The following CORO2B variants were observed in gnomAD, a reference collection of about 807,000 sequenced individuals.
The protein encoded by CORO2B is coronin-2B.
CORO2B carries 26 observed loss-of-function variants against 58.8 expected under a neutral mutation model. The observed-to-expected ratio is 0.44, with a 90% CI of 0.32 to 0.61. The LOEUF is 0.61. Ranked by LOEUF, CORO2B falls within the 20% of genes least tolerant of loss-of-function variation. The pLI is 0.04. For missense variants in CORO2B, 460 were observed against 645.1 expected (o/e 0.71, Z 3.11); for synonymous variants, 242 against 253.8 (o/e 0.95, Z 0.44).
chr15:68,725,930 C>T lies in CORO2B; in HGVS notation c.1399C>T (p.Gln467Ter), dbSNP rs1308115211. The T allele has an allele frequency of 6.2e-7, 1 of 1,614,082 alleles. No individual in the cohort carries two copies. The highest frequency in any genetic ancestry group is 8.5e-7 in the Non-Finnish European group (1 of 1,180,034). Residue 467 changes from glutamine (Q) to a stop codon, truncating the protein, a stop_gained, in exon 12 of 12, where the codon CAG (glutamine) becomes TAG (stop). Coordinates refer to ENST00000261861, the MANE Select transcript of CORO2B (RefSeq NM_006091.5). LOFTEE classifies it high-confidence loss of function. The stretch of plus-strand genomic sequence containing the variant: ...GAAGGACATCCGCATTCGGCAGCTC[C>T]AGCTGGAACTGAAAAACTTGCGCAA... Reference protein sequence around the residue: ...AQKDIRIRQLQLELKNLRNSP... With the variant: ...AQKDIRIRQL
intron 5 of CORO2B, 31 bp from the exon 6 acceptor site, chr15:68,713,894 C>T: frequency 6.5e-7 from 1 of 1,540,676 alleles, no homozygotes; most frequent in South Asian, 1.1e-5. Context: ...GTTGGGGACC[C>T]TGGCTCACCA....
intron 3 of CORO2B, among the ~76,000 whole-genome samples, chr15:68,701,910 G>C (rs1437781315): frequency 6.6e-6 from 1 of 151,920 alleles, no homozygotes; most frequent in Non-Finnish European, 1.5e-5. Flanking sequence ...GACATTAACT[G>C]TTACTTTCTT....
intron 2 of CORO2B, among the ~76,000 whole-genome samples, chr15:68,685,232 A>G (rs1293602770): frequency 2.0e-5 from 3 of 152,170 alleles, no homozygotes; most frequent in Non-Finnish European, 4.4e-5. Context: ...TTGTTTCGGG[A>G]GACAGTCTTA....
the CORO2B span, among the ~76,000 whole-genome samples, chr15:68,567,911 T>C: frequency 6.6e-6 from 1 of 152,114 alleles, no homozygotes; most frequent in Non-Finnish European, 1.5e-5. Flanking sequence ...TCCCAGCTAC[T>C]TGGGAGCCTG....
intron 2 of CORO2B, among the ~76,000 whole-genome samples, chr15:68,672,615 A>C (rs898063514): frequency 4.6e-5 from 7 of 152,230 alleles, no homozygotes; most frequent in Admixed American, 2.6e-4. Flanking sequence ...GTCTGAGGAC[A>C]GTGAATTCAT....
At chr15:68,578,001 C>T (rs766445149), upstream of CORO2B, among the ~76,000 whole-genome samples, 4 of 152,168 alleles carry the variant, frequency 2.6e-5, no homozygotes, top group Non-Finnish European at 5.9e-5. This position sits in a 1 kb window ranked among gnomAD's most constrained non-coding sequence, Gnocchi z 4.2. Context: ...TCTGCTTCCA[C>T]CTCTGCTAAC....
chr15:68,670,646 G>A (rs1422417795), intron 2 of CORO2B, among the ~76,000 whole-genome samples: 17 of 152,166 alleles, frequency 1.1e-4, no homozygotes, highest in African/African-American at 2.2e-4. Flanking sequence ...GGAAATAATT[G>A]AGGACCTCAT....
At chr15:68,597,553 T>C (rs1899867162) in intron 1 of CORO2B, among the ~76,000 whole-genome samples, 1 of 151,944 alleles carries the variant, frequency 6.6e-6, no homozygotes, top group Non-Finnish European at 1.5e-5. Flanking sequence ...TGCTGTTAAC[T>C]GCCTGGCTGT....
At chr15:68,556,160 C>G in the CORO2B span, among the ~76,000 whole-genome samples, 5 of 152,222 alleles carry the variant, frequency 3.3e-5, no homozygotes, top group Non-Finnish European at 7.3e-5. Flanking sequence ...AGCCACTCAT[C>G]TCACCACCTT....
the CORO2B span, among the ~76,000 whole-genome samples, chr15:68,551,096 C>T: frequency 1.3e-5 from 2 of 152,142 alleles, no homozygotes; most frequent in South Asian, 2.1e-4. Context: ...CCAGGCTGAC[C>T]GCCCCTGGGT....
chr15:68,695,109 CCTT>C (rs755044512), intron 2 of CORO2B, 28 bp from the exon 3 acceptor site: 12 of 1,557,212 alleles, frequency 7.7e-6, no homozygotes, highest in East Asian at 2.2e-5. Flanking sequence ...AAACTAATCT[CCTT>C]CTCTCTCTCT....
At chr15:68,579,418 G>A (rs1378295351) in intron 1 of CORO2B, 141 bp downstream of exon 1, 3 of 873,104 alleles carry the variant, frequency 3.4e-6, no homozygotes, top group Non-Finnish European at 4.3e-6. Context: ...CTTGCTGCCG[G>A]ATCCGCTCGA....
At chr15:68,638,334 A>T (rs1304122364) in intron 1 of CORO2B, among the ~76,000 whole-genome samples, 1 of 152,088 alleles carries the variant, frequency 6.6e-6, no homozygotes, top group Non-Finnish European at 1.5e-5. Flanking sequence ...TTGAGCAAGC[A>T]CCCATCCTGG....
chr15:68,579,207 C>CCGCCGCCGCCCCCGCA lies in CORO2B; in HGVS notation c.-49_-34dup. On this transcript the variant is annotated 5_prime_UTR_variant, in exon 1 of 12. Coordinates refer to ENST00000261861, the MANE Select transcript of CORO2B (RefSeq NM_006091.5). ...CCCCTTCCGCCGCCGCCCCGGGCCG[C>CCGCCGCCGCCCCCGCA]CGCCGCCGCCCCCGCACGCCGCGCC... 1 of 1,015,684 alleles carries CCGCCGCCGCCCCCGCA rather than the reference C, an allele frequency of 9.8e-7. No homozygotes were observed. The highest frequency in any genetic ancestry group is 1.2e-6 in the Non-Finnish European group (1 of 853,520). The allele number at this position is 1,015,684 out of a possible 1,614,324, so 62.9% of individuals were successfully genotyped here. A position where few individuals can be genotyped will look rare whatever the true frequency, so the allele number is the denominator to read the frequency against.
In CORO2B at chr15:68,579,205, C is replaced by A; in HGVS notation, c.-58C>A. On this transcript the variant is annotated 5_prime_UTR_variant, in exon 1 of 12. Transcript: ENST00000261861. Reference sequence around the variant, plus strand: ...ACCCCCTTCCGCCGCCGCCCCGGGCCGCCGCCGCCGCCCCCGCACGCCGCG... The same window carrying A: ...ACCCCCTTCCGCCGCCGCCCCGGGCAGCCGCCGCCGCCCCCGCACGCCGCG... 1 of 991,714 alleles carries A rather than the reference C, an allele frequency of 1.0e-6. No homozygotes were observed. Among genetic ancestry groups the A allele is most frequent in the Non-Finnish European group, 1.2e-6 (1 of 833,360 alleles). 61.4% of individuals were successfully genotyped at this position (991,714 alleles called of 1,614,324 possible).
chr15:68,604,259 C>A (rs1420276836), intron 1 of CORO2B, among the ~76,000 whole-genome samples: 1 of 152,116 alleles, frequency 6.6e-6, no homozygotes, highest in Non-Finnish European at 1.5e-5. Context: ...TGGGACCTTC[C>A]TGAGAGCAGC....
At chr15:68,655,387 G>A (rs934062001) in intron 2 of CORO2B, among the ~76,000 whole-genome samples, 2 of 152,182 alleles carry the variant, frequency 1.3e-5, no homozygotes, top group Admixed American at 6.5e-5. Flanking sequence ...CATGCCTCTC[G>A]CCGGCCCTCC....
intron 1 of CORO2B, among the ~76,000 whole-genome samples, chr15:68,582,125 A>C (rs1343230186): frequency 6.6e-6 from 1 of 152,120 alleles, no homozygotes; most frequent in Non-Finnish European, 1.5e-5. Context: ...TTGCCCCCTT[A>C]ACCATGAGGC....
In CORO2B at chr15:68,719,414, T is replaced by G; in HGVS notation, c.1173T>G (p.Asp391Glu). 1 of 1,613,630 alleles carries G rather than the reference T, an allele frequency of 6.2e-7. No homozygotes were observed. Among genetic ancestry groups the G allele is most frequent in the African/African-American group, 1.3e-5 (1 of 74,966 alleles). Residue 391 changes from aspartate to glutamate, a missense_variant and splice_region_variant, in exon 11 of 12, where the codon GAT (aspartate) becomes GAG (glutamate). By Grantham distance (45) the Asp-to-Glu change is conservative. Around this residue, in one of 2 missense-constraint regions of CORO2B, gnomAD observed 352 missense variants for 543.0 expected, o/e 0.65. Coordinates refer to ENST00000261861, the MANE Select transcript of CORO2B (RefSeq NM_006091.5). The part of the protein sequence containing the change: ...PDEWLGGINR[D>E]PVLMSLKEGY... ...GAGCGTTTCCCTTGCCTTCTTTAGA[T>G]CCCGTGCTGATGTCTTTGAAAGAAG... is the stretch of plus-strand genomic sequence containing the variant.
Sources: gnomAD v4.1 joint callset for allele counts (sites outside exome capture counted in the v4.1 genomes callset) on GRCh38, gnomAD v4.1.1 for gene constraint, gnomAD v4.1.1 regional missense constraint, Gnocchi (gnomAD v3.1) non-coding constraint, MANE v1.5 for transcripts, NCBI Gene and HGNC (gene_info 2026-07-23, HGNC 2026-07-21) for gene names.